CMIP: variants seen among roughly 807,000 people sequenced by gnomAD.
The protein encoded by CMIP is C-Maf-inducing protein.
In CMIP, 13 loss-of-function variants were observed where a neutral mutation model predicts 97.3. The observed-to-expected ratio is 0.13, with a 90% CI of 0.09 to 0.21. The LOEUF (loss-of-function observed/expected upper bound fraction) is 0.21. Among genes scored for constraint, CMIP ranks in the 10% least tolerant of loss-of-function variants. The pLI, the probability that CMIP is intolerant of heterozygous loss-of-function variation, is 1.00. For synonymous variants in CMIP, 538 were observed against 436.3 expected (o/e 1.23, Z -2.91); for missense variants, 847 against 1,024.9 (o/e 0.83, Z 2.37).
intron 1 of CMIP, among the ~76,000 whole-genome samples, chr16:81,515,476 G>T (rs1300412294): frequency 1.3e-5 from 2 of 152,200 alleles, no homozygotes; most frequent in Non-Finnish European, 2.9e-5. Context: ...TTCTGTTTCA[G>T]AGAACGCACT....
chr16:81,666,386 A>T (rs1390008857), intron 7 of CMIP: 4 of 152,216 alleles, frequency 2.6e-5, no homozygotes, highest in South Asian at 2.1e-4. Flanking sequence ...ACCGTTTCAT[A>T]AGGGTTCTTT....
chr16:81,593,485 T>C (rs1023415219), intron 1 of CMIP, among the ~76,000 whole-genome samples: 22 of 152,176 alleles, frequency 1.4e-4, no homozygotes, highest in African/African-American at 5.1e-4. Context: ...CCATCCATCA[T>C]GTGGAGCTGG....
intron 6 of CMIP, among the ~76,000 whole-genome samples, chr16:81,662,146 G>C (rs2092554095): frequency 6.7e-6 from 1 of 150,252 alleles, no homozygotes; most frequent in Non-Finnish European, 1.5e-5. Context: ...ACGGCCAGCT[G>C]CTCCTCTGCC....
At chr16:81,467,226 C>T (rs554572313) in intron 1 of CMIP, among the ~76,000 whole-genome samples, 2 of 152,336 alleles carry the variant, frequency 1.3e-5, no homozygotes, top group South Asian at 2.1e-4. Flanking sequence ...GACCTGGGCA[C>T]ATCCCGCAAC....
chr16:81,710,053 A>C lies in CMIP; in HGVS notation c.*254A>C, dbSNP rs1908588756. ...AAGTGGACTTTGTAGCAACAAGAGGAGCATCAGCGGGTCGGGGAGGGGTTT... is the reference window on the plus strand; with the variant it reads ...AAGTGGACTTTGTAGCAACAAGAGGCGCATCAGCGGGTCGGGGAGGGGTTT... On this transcript the variant is annotated 3_prime_UTR_variant, in exon 21 of 21. Coordinates refer to ENST00000537098, the MANE Select transcript of CMIP (RefSeq NM_198390.3). 2 of 128,716 alleles carry C rather than the reference A, an allele frequency of 1.6e-5. No individual in the cohort carries two copies. The highest frequency in any genetic ancestry group is 2.6e-4 in the South Asian group (2 of 7,640). 8.0% of individuals were successfully genotyped at this position (128,716 alleles called of 1,614,324 possible).
chr16:81,513,628 T>A (rs1473111960), intron 1 of CMIP, among the ~76,000 whole-genome samples: 1 of 152,216 alleles, frequency 6.6e-6, no homozygotes, highest in Non-Finnish European at 1.5e-5. Flanking sequence ...CGGTCCGTTC[T>A]GGCCTGGCTG....
intron 1 of CMIP, among the ~76,000 whole-genome samples, chr16:81,540,643 A>AGTGTGTGTGT (rs67286788): frequency 1.8e-3 from 254 of 141,972 alleles, no homozygotes; most frequent in African/African-American, 4.6e-3. Context: ...TCTTGTTTTG[A>AGTGTGTGTGT]GTGTGTGTGT....
Position 81,444,814 on chromosome 16 carries a change from G to T in CMIP, c.-428G>T, listed in dbSNP as rs1175623145. Among the ~76,000 whole-genome samples, 2 of 143,850 alleles carry T rather than the reference G, an allele frequency of 1.4e-5. No individual in the cohort carries two copies. Among genetic ancestry groups the T allele is most frequent in the African/African-American group, 2.5e-5 (1 of 39,984 alleles). The allele number at this position is 143,850 out of a possible 152,430, so 94.4% of individuals were successfully genotyped here. A position where few individuals can be genotyped will look rare whatever the true frequency, so the allele number is the denominator to read the frequency against. ...GCCCGCCCCGCCCGCGGCCACTCTC[G>T]CCCGGACGGCCGCGCGGACACACGC... On this transcript the variant is annotated 5_prime_UTR_variant, in exon 1 of 21. Coordinates refer to ENST00000537098, the MANE Select transcript of CMIP (RefSeq NM_198390.3).
intron 1 of CMIP, among the ~76,000 whole-genome samples, chr16:81,537,473 C>T (rs1449902120): frequency 2.1e-5 from 3 of 144,084 alleles, no homozygotes; most frequent in South Asian, 2.3e-4. Context: ...AGGCAGAGGT[C>T]GCTCTGAGCC....
At chr16:81,542,383 G>C (rs995312117) in intron 1 of CMIP, among the ~76,000 whole-genome samples, 5 of 152,202 alleles carry the variant, frequency 3.3e-5, no homozygotes, top group African/African-American at 4.8e-5. Flanking sequence ...TATGCTCTGT[G>C]AGGCACCGAG....
At chr16:81,565,640 C>T (rs757868503) in intron 1 of CMIP, among the ~76,000 whole-genome samples, 6 of 152,166 alleles carry the variant, frequency 3.9e-5, no homozygotes, top group Non-Finnish European at 8.8e-5. Flanking sequence ...ATGGCAGCCT[C>T]CTGTGGTAAC....
At chr16:81,681,179 G>A (rs1904838739) in intron 10 of CMIP, among the ~76,000 whole-genome samples, 1 of 152,174 alleles carries the variant, frequency 6.6e-6, no homozygotes, top group Non-Finnish European at 1.5e-5. Flanking sequence ...TATGCTCCTG[G>A]CAGCCTCTTC....
chr16:81,569,040 C>A (rs1256684428), intron 1 of CMIP, among the ~76,000 whole-genome samples: 2 of 152,212 alleles, frequency 1.3e-5, no homozygotes, highest in African/African-American at 2.4e-5. Flanking sequence ...ACCTGGAGAA[C>A]TCGCAGAGGT....
intron 1 of CMIP, among the ~76,000 whole-genome samples, chr16:81,554,588 A>G (rs2090724652): frequency 6.6e-6 from 1 of 152,204 alleles, no homozygotes; most frequent in South Asian, 2.1e-4. Flanking sequence ...AATCGAATTC[A>G]TGTTTACCTC....
chr16:81,527,517 C>G (rs370940148), intron 1 of CMIP, among the ~76,000 whole-genome samples: 3 of 152,152 alleles, frequency 2.0e-5, no homozygotes, highest in African/African-American at 7.2e-5. Flanking sequence ...CATGAATTAT[C>G]CCATCTCATG....
intron 1 of CMIP, among the ~76,000 whole-genome samples, chr16:81,527,012 G>T (rs1465222229): frequency 1.3e-5 from 2 of 152,216 alleles, no homozygotes; most frequent in African/African-American, 2.4e-5. Flanking sequence ...GCAGTTTGGG[G>T]CCTGGTTTCT....
intron 17 of CMIP, among the ~76,000 whole-genome samples, chr16:81,702,962 G>C (rs1907587131): frequency 6.6e-6 from 1 of 152,186 alleles, no homozygotes; most frequent in Admixed American, 6.5e-5. Flanking sequence ...GCATTTGTGT[G>C]TCAGATGCTC....
At chr16:81,474,306 C>G (rs190501153) in intron 1 of CMIP, among the ~76,000 whole-genome samples, 1 of 151,964 alleles carries the variant, frequency 6.6e-6, no homozygotes, top group Non-Finnish European at 1.5e-5. Flanking sequence ...CCCTCTCTCC[C>G]TACTGTCTCC....
intron 1 of CMIP, 73 bp downstream of exon 1, chr16:81,445,614 G>A: frequency 6.8e-7 from 1 of 1,470,316 alleles, no homozygotes; most frequent in South Asian, 1.3e-5. Flanking sequence ...GCTGCCCCCT[G>A]GCGCTGCACC....
Sources: allele counts gnomAD v4.1 joint callset (sites outside exome capture counted in the v4.1 genomes callset), GRCh38; gene constraint gnomAD v4.1.1; transcripts MANE v1.5; gene names NCBI Gene and HGNC (gene_info 2026-07-23, HGNC 2026-07-21).